Variants in PDZRN4 observed in about 807,000 individuals in gnomAD.
The protein encoded by PDZRN4 is PDZ domain-containing RING finger protein 4.
PDZRN4 carries 70 observed loss-of-function variants against 99.0 expected under a neutral mutation model. That is an observed-to-expected ratio of 0.71 (90% CI 0.58 to 0.86). The LOEUF is 0.86. PDZRN4 is among the 40% of genes least tolerant of loss of function. The pLI is 0.00. For missense variants in PDZRN4, 1,474 were observed against 1,331.2 expected (o/e 1.11, Z -1.67); for synonymous variants, 551 against 501.6 (o/e 1.10, Z -1.32).
At chr12:41,495,920 A>G (rs1288915430) in intron 3 of PDZRN4, among the ~76,000 whole-genome samples, 2 of 152,112 alleles carry the variant, frequency 1.3e-5, no homozygotes, top group African/African-American at 2.4e-5. Flanking sequence ...CTGGAGTCAC[A>G]TCACAATAGC....
At chr12:41,554,471 T>C (rs1318729767) in intron 6 of PDZRN4, among the ~76,000 whole-genome samples, 2 of 152,178 alleles carry the variant, frequency 1.3e-5, no homozygotes, top group Non-Finnish European at 2.9e-5. Context: ...TGATTGATGA[T>C]TTAAGACTCA....
intron 3 of PDZRN4, among the ~76,000 whole-genome samples, chr12:41,223,285 G>A (rs571739985): frequency 6.6e-6 from 1 of 152,238 alleles, no homozygotes; most frequent in Admixed American, 6.5e-5. Context: ...GTTTGTGTAT[G>A]TAGACATTAA....
chr12:41,381,278 AT>A (rs1265864485), intron 3 of PDZRN4, among the ~76,000 whole-genome samples: 2 of 152,008 alleles, frequency 1.3e-5, no homozygotes, highest in Admixed American at 6.5e-5. Flanking sequence ...AATTTGGAGA[AT>A]TTCTTTAAAT....
intron 3 of PDZRN4, among the ~76,000 whole-genome samples, chr12:41,367,611 A>G (rs764079036): frequency 2.0e-5 from 3 of 152,046 alleles, no homozygotes; most frequent in Non-Finnish European, 4.4e-5. Context: ...CTTTCTTTCT[A>G]TTGGTCCTTC....
intron 3 of PDZRN4, among the ~76,000 whole-genome samples, chr12:41,379,066 CT>C (rs375311524): frequency 7.9e-5 from 12 of 151,794 alleles, no homozygotes; most frequent in African/African-American, 1.7e-4. Context: ...ATCATTGTGC[CT>C]TTTTTTATGA....
chr12:41,254,653 A>G (rs1351616770), intron 3 of PDZRN4, among the ~76,000 whole-genome samples: 1 of 152,250 alleles, frequency 6.6e-6, no homozygotes, highest in East Asian at 1.9e-4. Flanking sequence ...GATCCTCTGC[A>G]GTCCCAAGTC....
At chr12:41,309,247 A>G (rs1346906) in intron 3 of PDZRN4, among the ~76,000 whole-genome samples, 32,931 of 152,090 alleles carry the variant, frequency 0.22, 3,710 homozygotes, top group African/African-American at 0.24. Context: ...ACAGAATACC[A>G]TAGACTAGCT....
At chr12:41,294,087 ATAGTT>A (rs2120915236) in intron 3 of PDZRN4, among the ~76,000 whole-genome samples, 1 of 152,026 alleles carries the variant, frequency 6.6e-6, no homozygotes, top group East Asian at 1.9e-4. Flanking sequence ...TTTTTCCTCT[ATAGTT>A]TGTTTGTTTG....
chr12:41,448,746 G>T (rs1952750454), intron 3 of PDZRN4, among the ~76,000 whole-genome samples: 1 of 152,096 alleles, frequency 6.6e-6, no homozygotes, highest in South Asian at 2.1e-4. Flanking sequence ...CCTATTTTAA[G>T]ACACATATTA....
chr12:41,403,450 G>C (rs546521923), intron 3 of PDZRN4, among the ~76,000 whole-genome samples: 2 of 152,084 alleles, frequency 1.3e-5, no homozygotes, highest in Non-Finnish European at 2.9e-5. Flanking sequence ...TGAGAGATGG[G>C]GAAGGAAATA....
intron 3 of PDZRN4, among the ~76,000 whole-genome samples, chr12:41,426,006 G>A (rs1372942815): frequency 6.6e-6 from 1 of 152,162 alleles, no homozygotes; most frequent in African/African-American, 2.4e-5. Context: ...AAGTAGTGAT[G>A]ATAAAGCACT....
At chr12:41,263,865 G>A (rs1951260466) in intron 3 of PDZRN4, among the ~76,000 whole-genome samples, 1 of 152,050 alleles carries the variant, frequency 6.6e-6, no homozygotes, top group Admixed American at 6.6e-5. Flanking sequence ...ACAAGAAGGA[G>A]GCTCCTCCTT....
chr12:41,244,917 C>G (rs4768337), intron 3 of PDZRN4, among the ~76,000 whole-genome samples: 73,097 of 141,046 alleles, frequency 0.52, 19,440 homozygotes, highest in East Asian at 0.64. Context: ...GTCTCGATCT[C>G]CTGACCTCAT....
rs285585 is a variant in PDZRN4 at position 41,552,651 on chromosome 12, T to C, written c.1204-5T>C. ...AAATGTCATCTGTGTGTGTTGTTCTTTCAGGAGGTCGAGTTGTGTCGTGTT... is the reference window on the plus strand; with the variant it reads ...AAATGTCATCTGTGTGTGTTGTTCTCTCAGGAGGTCGAGTTGTGTCGTGTT... On this transcript the variant is annotated splice_polypyrimidine_tract_variant and splice_region_variant and intron_variant, in intron 5 of 9. Transcript: ENST00000402685. 1 allele frequency: 1,606,438 copies of C among 1,610,210 alleles called. 801,340 individuals are homozygous for C. The highest frequency in any genetic ancestry group is 1 in the East Asian group (44,826 of 44,826).
intron 4 of PDZRN4, among the ~76,000 whole-genome samples, chr12:41,508,532 C>G (rs1938247462): frequency 6.6e-6 from 1 of 152,188 alleles, no homozygotes; most frequent in Non-Finnish European, 1.5e-5. Context: ...GTGTTCCTCA[C>G]AGCAGGGCTC....
At chr12:41,252,942 A>G (rs1951180894) in intron 3 of PDZRN4, among the ~76,000 whole-genome samples, 1 of 152,182 alleles carries the variant, frequency 6.6e-6, no homozygotes, top group African/African-American at 2.4e-5. Flanking sequence ...ATTTTATTGT[A>G]TGTAAATTAT....
intron 3 of PDZRN4, among the ~76,000 whole-genome samples, chr12:41,365,755 C>T (rs891560723): frequency 1.3e-5 from 2 of 152,016 alleles, no homozygotes; most frequent in Non-Finnish European, 2.9e-5. Flanking sequence ...GGACTCAGCT[C>T]AGTTTAGGGT....
intron 3 of PDZRN4, among the ~76,000 whole-genome samples, chr12:41,466,021 G>T (rs1459570728): frequency 6.6e-6 from 1 of 152,084 alleles, no homozygotes; most frequent in African/African-American, 2.4e-5. Context: ...TATCCAAACT[G>T]CTTTAATTAC....
At chr12:41,555,830 G>C in intron 7 of PDZRN4, 70 bp downstream of exon 7, 2 of 1,235,328 alleles carry the variant, frequency 1.6e-6, no homozygotes, top group Non-Finnish European at 2.4e-6. Flanking sequence ...TTTGTTTCTT[G>C]TAAACTGTTG....
Sources: allele counts gnomAD v4.1 joint callset (sites outside exome capture counted in the v4.1 genomes callset), GRCh38; gene constraint gnomAD v4.1.1; transcripts MANE v1.5; gene names NCBI Gene and HGNC (gene_info 2026-07-23, HGNC 2026-07-21).